BMP7: variants seen among roughly 807,000 people sequenced by gnomAD.
BMP7 encodes the protein bone morphogenetic protein 7.
BMP7 carries 12 observed loss-of-function variants against 41.2 expected under a neutral mutation model. That is an observed-to-expected ratio of 0.29 (90% CI 0.19 to 0.47). The LOEUF (loss-of-function observed/expected upper bound fraction) is 0.47. Ranked by LOEUF, BMP7 falls within the 20% of genes least tolerant of loss-of-function variation. BMP7 has a pLI of 0.99. For missense variants in BMP7, 467 were observed against 606.0 expected, an observed-to-expected ratio of 0.77 and a Z score of 2.41; for synonymous variants, 248 against 250.0, an observed-to-expected ratio of 0.99 and a Z score of 0.07.
chr20:57,175,289 C>T (rs1299384732), intron 4 of BMP7, among the ~76,000 whole-genome samples: 1 of 152,198 alleles, frequency 6.6e-6, no homozygotes, highest in Non-Finnish European at 1.5e-5. Flanking sequence ...ACACTGGTTT[C>T]TTTTATACAC....
At chr20:57,250,429 G>C (rs1205899049) in intron 1 of BMP7, among the ~76,000 whole-genome samples, 1 of 149,100 alleles carries the variant, frequency 6.7e-6, no homozygotes, top group Non-Finnish European at 1.5e-5. Context: ...TGCTCAGGAG[G>C]CTGAGGTGGG....
intron 1 of BMP7, among the ~76,000 whole-genome samples, chr20:57,233,386 C>G (rs2123122124): frequency 6.6e-6 from 1 of 152,376 alleles, no homozygotes; most frequent in East Asian, 1.9e-4. Context: ...ACCATCCTGA[C>G]AGCAAGCAGA....
chr20:57,173,656 A>C, intron 5 of BMP7: 1 of 374,990 alleles, frequency 2.7e-6, no homozygotes, highest in East Asian at 5.8e-5. Flanking sequence ...CATAAAATAA[A>C]AATGAAGGAA....
intron 1 of BMP7, among the ~76,000 whole-genome samples, chr20:57,248,420 C>T (rs939210514): frequency 9.9e-5 from 15 of 152,142 alleles, no homozygotes; most frequent in African/African-American, 3.4e-4. Flanking sequence ...ACAGTTTAGC[C>T]CAAGAGACAA....
rs145242803 is a variant in BMP7 at position 57,197,074 on chromosome 20, G to C, written c.760+5401C>G. 2.2e-4 allele frequency among the ~76,000 whole-genome samples: 33 copies of C among 151,912 alleles called. No homozygotes were observed. The East Asian group carries it at 6.0e-3, about 28-fold the overall frequency. ...ACACCACCACACCTGGCTAACTGTT[G>C]TATTTTTAGTAAAGACGGGGTTTCA... On this transcript the variant is annotated intron_variant, in intron 3 of 6. Transcript: ENST00000395863.
intron 3 of BMP7, 64 bp downstream of exon 3, chr20:57,202,411 T>A: frequency 6.3e-7 from 1 of 1,579,626 alleles, no homozygotes; most frequent in Non-Finnish European, 8.5e-7. Context: ...TGAGCACTGC[T>A]GAGACCCTCC....
chr20:57,174,933 G>T lies in BMP7; in HGVS notation c.1033C>A (p.Gln345Lys), dbSNP rs1311095003. 1 of 1,611,048 alleles carries T rather than the reference G, an allele frequency of 6.2e-7. No individual in the cohort carries two copies. Among genetic ancestry groups the T allele is most frequent in the East Asian group, 2.2e-5 (1 of 44,822 alleles). The change falls in exon 5 of 7, where the codon CAG (glutamine) becomes AAG (lysine). Residue 345 changes from glutamine (Q) to lysine (K), a missense_variant and splice_region_variant. Physicochemically the swap from Gln to Lys is moderately conservative, Grantham distance 53 (BLOSUM62 1). Coordinates refer to ENST00000395863, the MANE Select transcript of BMP7 (RefSeq NM_001719.3). This position sits in a 1 kb window ranked among gnomAD's most constrained non-coding sequence, Gnocchi z 4.3. Reference protein sequence around the residue: ...LYVSFRDLGWQDWIIAPEGYA... With the variant: ...LYVSFRDLGWKDWIIAPEGYA... ...GACAGACCCAGCCAGCCCCTTACCT[G>T]CCAGCCCAGGTCTCGGAAGCTGACA...
chr20:57,216,248 C>G (rs114376261), intron 2 of BMP7, among the ~76,000 whole-genome samples: 2,012 of 152,202 alleles, frequency 0.013, 42 homozygotes, highest in African/African-American at 0.046. Context: ...GAAGCCCTCC[C>G]GGCTGCCCTG....
At position 57,261,751 on chromosome 20, in the gene BMP7, T is replaced by C. The variant is rs1230867307; in HGVS notation, c.418+3954A>G. On this transcript the variant is annotated intron_variant, in intron 1 of 6. Transcript: ENST00000395863. The surrounding 1 kb of genome is among the most constrained non-coding windows in gnomAD (Gnocchi z 4.1). ...CTTCCAAATTTTAACACAAGCCAGGTTACAGCTGCAAATGCCTGCAGTCCA... is the reference window on the plus strand; with the variant it reads ...CTTCCAAATTTTAACACAAGCCAGGCTACAGCTGCAAATGCCTGCAGTCCA... Among the ~76,000 whole-genome samples, 3 of 152,040 alleles carry C rather than the reference T, an allele frequency of 2.0e-5. No individual in the cohort carries two copies. The highest frequency in any genetic ancestry group is 7.3e-5 in the African/African-American group (3 of 41,354).
intron 1 of BMP7, among the ~76,000 whole-genome samples, chr20:57,247,077 A>G (rs2066093402): frequency 6.6e-6 from 1 of 152,198 alleles, no homozygotes; most frequent in Non-Finnish European, 1.5e-5. Flanking sequence ...TACAATGGCT[A>G]ACATAGCTGT....
rs1033699703 is a variant in BMP7, at chr20:57,247,785, A to G, written c.418+17920T>C. On this transcript the variant is annotated intron_variant, in intron 1 of 6. Transcript: ENST00000395863. The stretch of plus-strand genomic sequence containing the variant: ...TCTGTTCATCCTCCACTCAGGGGAA[A>G]CAGGAGCCGCCTGTCCCACAAGCAG... Among the ~76,000 whole-genome samples, 32 of 152,100 alleles carry G rather than the reference A, an allele frequency of 2.1e-4. 1 individual carries two copies. Among genetic ancestry groups the G allele is most frequent in the African/African-American group, 6.5e-4 (27 of 41,412 alleles).
intron 3 of BMP7, among the ~76,000 whole-genome samples, chr20:57,185,322 A>T (rs1984184353): frequency 6.6e-6 from 1 of 152,266 alleles, no homozygotes; most frequent in Non-Finnish European, 1.5e-5. Context: ...CCCTTCATCC[A>T]GTTTCCCCCA....
intron 4 of BMP7, among the ~76,000 whole-genome samples, chr20:57,179,598 C>T (rs956092491): frequency 6.6e-6 from 1 of 152,196 alleles, no homozygotes; most frequent in African/African-American, 2.4e-5. Flanking sequence ...GTGCCCCCGC[C>T]CCAGCACACA....
Position 57,171,793 on chromosome 20 carries a change from C to T in BMP7, c.1147-685G>A, listed in dbSNP as rs970717266. On this transcript the variant is annotated intron_variant, in intron 6 of 6. Transcript: ENST00000395863. The surrounding 1 kb of genome is among the most constrained non-coding windows in gnomAD (Gnocchi z 4.5). ...TCAGTGACTGGCACTCTGTTCACAGCCTCCAGGCTGTGACTGCTGACATAG... is the reference window on the plus strand; with the variant it reads ...TCAGTGACTGGCACTCTGTTCACAGTCTCCAGGCTGTGACTGCTGACATAG... Among the ~76,000 whole-genome samples, 2 of 152,218 alleles carry T rather than the reference C, an allele frequency of 1.3e-5. No individual in the cohort carries two copies. The highest frequency in any genetic ancestry group is 2.9e-5 in the Non-Finnish European group (2 of 68,040).
chr20:57,186,750 A>G (rs1984220582), intron 3 of BMP7, among the ~76,000 whole-genome samples: 1 of 152,218 alleles, frequency 6.6e-6, no homozygotes, highest in Non-Finnish European at 1.5e-5. Flanking sequence ...CCAGAAGTCA[A>G]GAAACCCAGC....
In BMP7 at chr20:57,187,123, C is replaced by A. The variant is rs566338658; in HGVS notation, c.761-3204G>T. On this transcript the variant is annotated intron_variant, in intron 3 of 6. Transcript: ENST00000395863. The stretch of plus-strand genomic sequence containing the variant: ...TGTCTGGCTTGCCTTGGGCAGCTGT[C>A]AGGACAGCCACATCCAGGGAGCCAC... 3 of 152,332 alleles carry A rather than the reference C, an allele frequency of 2.0e-5. No homozygotes were observed. In the South Asian group the frequency reaches 6.2e-4, roughly 32 times the overall value. 9.4% of individuals were successfully genotyped at this position (152,332 alleles called of 1,614,324 possible).
rs2066178113 is a variant in BMP7 at position 57,266,229 on chromosome 20, C to A, written c.-107G>T. On this transcript the variant is annotated 5_prime_UTR_variant, in exon 1 of 7. Coordinates refer to ENST00000395863, the MANE Select transcript of BMP7 (RefSeq NM_001719.3). ...GCGCCGCTCGGTCACTTGCTGCAGACGGGCCCCGCTGCGCCCGCGCCAGAC... is the reference window on the plus strand; with the variant it reads ...GCGCCGCTCGGTCACTTGCTGCAGAAGGGCCCCGCTGCGCCCGCGCCAGAC... 1.4e-5 allele frequency: 17 copies of A among 1,194,222 alleles called. No homozygotes were observed. Among genetic ancestry groups the A allele is most frequent in the Middle Eastern group, 3.0e-4 (1 of 3,304 alleles). 74.0% of individuals were successfully genotyped at this position (1,194,222 alleles called of 1,614,324 possible). A position where few individuals can be genotyped will look rare whatever the true frequency, so the allele number is the denominator to read the frequency against.
At chr20:57,173,651 A>C (rs1600726329) in intron 5 of BMP7, 2 of 98,190 alleles carry the variant, frequency 2.0e-5, no homozygotes, top group African/African-American at 8.0e-5. Context: ...AAAAACATAA[A>C]ATAAAAATGA....
intron 2 of BMP7, among the ~76,000 whole-genome samples, chr20:57,208,903 G>A (rs1163626039): frequency 1.3e-5 from 2 of 152,142 alleles, no homozygotes; most frequent in Non-Finnish European, 2.9e-5. Context: ...AGAAAGTAGG[G>A]CCAGGTGTGG....
Sources: gnomAD v4.1 joint callset for allele counts (sites outside exome capture counted in the v4.1 genomes callset) on GRCh38, gnomAD v4.1.1 for gene constraint, Gnocchi (gnomAD v3.1) non-coding constraint, MANE v1.5 for transcripts, NCBI Gene and HGNC (gene_info 2026-07-23, HGNC 2026-07-21) for gene names.